Variants in DNMT1 observed in about 807,000 individuals in gnomAD.
DNMT1 encodes the protein DNA methyltransferase 1, also known as DNA (cytosine-5)-methyltransferase 1.
In DNMT1, 24 loss-of-function variants were observed where a neutral mutation model predicts 205.3. The observed-to-expected ratio is 0.12, with a 90% confidence interval of 0.08 to 0.16. The LOEUF is 0.16. Ranked by LOEUF, DNMT1 falls within the 10% of genes least tolerant of loss-of-function variation. DNMT1 has a pLI of 1.00. For synonymous variants in DNMT1, 817 were observed against 839.8 expected (o/e 0.97, Z 0.47); for missense variants, 1,293 against 2,177.7 (o/e 0.59, Z 8.09).
intron 9 of DNMT1, among the ~76,000 whole-genome samples, chr19:10,170,513 G>A (rs536057769): frequency 1.7e-4 from 26 of 152,096 alleles, no homozygotes; most frequent in African/African-American, 5.1e-4. Flanking sequence ...GCGTGGTAGC[G>A]GAAGCCTGTA....
intron 1 of DNMT1, among the ~76,000 whole-genome samples, chr19:10,189,153 T>C (rs1308840781): frequency 6.7e-6 from 1 of 148,776 alleles, no homozygotes; most frequent in Non-Finnish European, 1.5e-5. Flanking sequence ...GGAGTCTCGC[T>C]CTGTTGCCCA....
chr19:10,194,640 C>G, intron 1 of DNMT1, 180 bp downstream of exon 1: 1 of 805,132 alleles, frequency 1.2e-6, no homozygotes, highest in Non-Finnish European at 1.8e-6. Flanking sequence ...GCCAAACAGC[C>G]CGGGCACGCG....
rs894862120 is a variant in DNMT1, at chr19:10,160,254, T to C, written c.1043+130A>G. The C allele has an allele frequency of 2.6e-6, 4 of 1,532,786 alleles. No individual in the cohort carries two copies. In the African/African-American group the frequency reaches 4.1e-5, roughly 16 times the overall value. 94.9% of individuals were successfully genotyped at this position (1,532,786 alleles called of 1,614,324 possible). On this transcript the variant is annotated intron_variant, in intron 14 of 40. Coordinates refer to ENST00000359526, the MANE Select transcript of DNMT1 (RefSeq NM_001130823.3). ...TCCTGCCTGACGCACCTTGGTCCTA[T>C]GTTCACCAACCCGATCCAAAATGAG...
chr19:10,184,389 G>C (rs1019759682), intron 1 of DNMT1: 1 of 152,206 alleles, frequency 6.6e-6, no homozygotes, highest in African/African-American at 2.4e-5. Context: ...TCATTCTTCA[G>C]GATGTCTCTA....
Position 10,154,560 on chromosome 19 carries a change from C to T in DNMT1, c.1832+26G>A. 6.2e-7 allele frequency: 1 copy of T among 1,613,866 alleles called. No homozygotes were observed. ...TCTACCCTCCCCGGTCTCCAGTCTT[C>T]ACTCTGGTCCCTGCCGCATCCTTAC... On this transcript the variant is annotated intron_variant, in intron 21 of 40. Transcript: ENST00000359526. This position sits in a 1 kb window ranked among gnomAD's most constrained non-coding sequence, Gnocchi z 6.3.
intron 1 of DNMT1, among the ~76,000 whole-genome samples, chr19:10,186,944 GGAA>G (rs1288067757): frequency 6.6e-6 from 1 of 151,938 alleles, no homozygotes; most frequent in African/African-American, 2.4e-5. Flanking sequence ...AACAGCCTCA[GGAA>G]GAAGTTGACA....
chr19:10,190,208 G>A (rs925669323), intron 1 of DNMT1, among the ~76,000 whole-genome samples: 2 of 152,148 alleles, frequency 1.3e-5, no homozygotes, highest in African/African-American at 2.4e-5. Context: ...TGGTAGTTAC[G>A]AAAGCTAATC....
intron 1 of DNMT1, chr19:10,184,521 A>G (rs2039140081): frequency 1.3e-5 from 2 of 152,102 alleles, no homozygotes; most frequent in Admixed American, 1.3e-4. Flanking sequence ...ATAAAAGAAC[A>G]ATAGCCGGTG....
intron 12 of DNMT1, 93 bp downstream of exon 12, chr19:10,163,233 C>T (rs1764030352): frequency 2.1e-6 from 3 of 1,422,496 alleles, no homozygotes; most frequent in Admixed American, 1.7e-5. Context: ...TCCCAAAGTG[C>T]TGGGATTACA....
intron 10 of DNMT1, among the ~76,000 whole-genome samples, chr19:10,167,850 G>C (rs996604387): frequency 6.6e-6 from 1 of 152,038 alleles, no homozygotes; most frequent in Non-Finnish European, 1.5e-5. Flanking sequence ...AGGAGAAATC[G>C]AAGCTAACTT....
Position 10,154,753 on chromosome 19 carries a change from G to A in DNMT1, c.1665C>T (p.Gly555=). 2 of 1,614,206 alleles carry A rather than the reference G, an allele frequency of 1.2e-6. No individual in the cohort carries two copies. The highest frequency in any genetic ancestry group is 1.7e-6 in the Non-Finnish European group (2 of 1,180,044). ...NKIETTVPPS[G]LNLNRFTEDS... Reference sequence around the variant, plus strand: ...CCTCTGTGAAGCGGTTCAAGTTGAGGCCAGAAGGAGGAACCGTGGTCTTGA... The same window carrying A: ...CCTCTGTGAAGCGGTTCAAGTTGAGACCAGAAGGAGGAACCGTGGTCTTGA... The change falls in exon 21 of 41, where the codon GGC becomes GGT. Residue 555 remains glycine (G), a synonymous_variant. Transcript: ENST00000359526. The surrounding 1 kb of genome is among the most constrained non-coding windows in gnomAD (Gnocchi z 6.3).
Position 10,140,329 on chromosome 19 carries a change from C to T in DNMT1, c.3524-1G>A. 1 of 1,613,616 alleles carries T rather than the reference C, an allele frequency of 6.2e-7. No homozygotes were observed. The stretch of plus-strand genomic sequence containing the variant: ...ATGGCCCACAGCGTGTCAGAGATGC[C>T]TGGCAGATCAAGCACGAAGCCATGC... On this transcript the variant is annotated splice_acceptor_variant, in intron 32 of 40. Transcript: ENST00000359526. LOFTEE classifies it high-confidence loss of function. This position sits in a 1 kb window ranked among gnomAD's most constrained non-coding sequence, Gnocchi z 8.4.
intron 9 of DNMT1, among the ~76,000 whole-genome samples, chr19:10,169,462 C>A (rs1371691015): frequency 2.0e-5 from 3 of 150,712 alleles, no homozygotes; most frequent in African/African-American, 7.3e-5. Flanking sequence ...GAGGTGGAGG[C>A]AGGAGAATGG....
chr19:10,147,299 AG>A lies in DNMT1; in HGVS notation c.2721-776del, dbSNP rs2038221900. ...AAATAAATAAATAAATAAATAAAAG[AG>A]GTTGGGTGATAAATAAATAAGTAAA... On this transcript the variant is annotated intron_variant, in intron 27 of 40. Coordinates refer to ENST00000359526, the MANE Select transcript of DNMT1 (RefSeq NM_001130823.3). Among the ~76,000 whole-genome samples, 15 of 149,740 alleles carry A rather than the reference AG, an allele frequency of 1.0e-4. No homozygotes were observed. The Admixed American group carries it at 1.0e-3, about 10-fold the overall frequency.
chr19:10,194,589 GC>G, intron 1 of DNMT1: 1 of 509,484 alleles, frequency 2.0e-6, no homozygotes, highest in Non-Finnish European at 3.4e-6. Flanking sequence ...CTAGTTTCTA[GC>G]CACCAGGGAG....
In DNMT1 at chr19:10,137,527, G is replaced by A; in HGVS notation, c.4294-247C>T. The A allele has an allele frequency of 1.6e-6, 1 of 636,640 alleles. No homozygotes were observed. The highest frequency in any genetic ancestry group is 2.7e-6 in the Non-Finnish European group (1 of 366,748). 39.4% of individuals were successfully genotyped at this position (636,640 alleles called of 1,614,324 possible). A position where few individuals can be genotyped will look rare whatever the true frequency, so the allele number is the denominator to read the frequency against. ...GGGTGGGGGAAGGGGAGTGGTGCCAGGGGATGGTGAAAGGGCTGGTCTTGG... is the reference window on the plus strand; with the variant it reads ...GGGTGGGGGAAGGGGAGTGGTGCCAAGGGATGGTGAAAGGGCTGGTCTTGG... On this transcript the variant is annotated intron_variant, in intron 36 of 40. Transcript: ENST00000359526. The surrounding 1 kb of genome is among the most constrained non-coding windows in gnomAD (Gnocchi z 6.4).
chr19:10,175,433 G>C, intron 7 of DNMT1, 107 bp downstream of exon 7: 7 of 1,314,158 alleles, frequency 5.3e-6, no homozygotes, highest in South Asian at 2.4e-5. Context: ...GCCCTAAATA[G>C]AGCCCTAGAC....
Position 10,155,037 on chromosome 19 carries a change from C to T in DNMT1, c.1512G>A (p.Leu504=). The change falls in exon 20 of 41, where the codon CTG becomes CTA. Residue 504 remains leucine (L), a synonymous_variant. Transcript: ENST00000359526. ...GCGCATACTCGGGACTGGGATCCAT[C>T]AGAATGTATTCGGCAAATGCTGGGG... is the stretch of plus-strand genomic sequence containing the variant. ...GFSTSFAEYI[L]MDPSPEYAPI... The T allele has an allele frequency of 6.2e-7, 1 of 1,614,162 alleles. No individual in the cohort carries two copies. The highest frequency in any genetic ancestry group is 8.5e-7 in the Non-Finnish European group (1 of 1,180,032).
chr19:10,139,695 C>G lies in DNMT1; in HGVS notation c.3929G>C (p.Cys1310Ser), dbSNP rs1442277728. ...GCCCACCTGCAGCACGCCGAAGGTG[C>G]ACTGATAGCCCATGCGGACCAGGCA... is the stretch of plus-strand genomic sequence containing the variant. ...LRCLVRMGYQ[C>S]TFGVLQAGQY... Residue 1310 changes from cysteine to serine, a missense_variant, in exon 34 of 41, where the codon TGC becomes TCC. Physicochemically the swap from Cys to Ser is moderately radical, Grantham distance 112. Transcript: ENST00000359526. 6 of 1,613,412 alleles carry G rather than the reference C, an allele frequency of 3.7e-6. No individual in the cohort carries two copies. The African/African-American group carries it at 8.0e-5, about 22-fold the overall frequency.
Sources: allele counts gnomAD v4.1 joint callset (sites outside exome capture counted in the v4.1 genomes callset), GRCh38; gene constraint gnomAD v4.1.1; non-coding constraint Gnocchi (gnomAD v3.1); transcripts MANE v1.5; gene names NCBI Gene and HGNC (gene_info 2026-07-23, HGNC 2026-07-21).